The following ADGRF5 variants were observed in gnomAD, a reference collection of about 807,000 sequenced individuals.
The protein encoded by ADGRF5 is adhesion G protein-coupled receptor F5, also known as G-protein coupled receptor 116.
Under a neutral mutation model 132.3 loss-of-function variants are expected in ADGRF5, and 75 were observed. The observed-to-expected ratio is 0.57, with a 90% CI of 0.47 to 0.69. The LOEUF (loss-of-function observed/expected upper bound fraction) is 0.69, where lower values mean the gene tolerates loss of function less well. Ranked by LOEUF, ADGRF5 falls within the 30% of genes least tolerant of loss-of-function variation. The pLI is 0.00. For missense variants in ADGRF5, 1,516 were observed against 1,630.6 expected (o/e 0.93, Z 1.21); for synonymous variants, 629 against 597.6 (o/e 1.05, Z -0.77).
intron 1 of ADGRF5, among the ~76,000 whole-genome samples, chr6:46,942,077 C>A (rs1403412221): frequency 1.3e-5 from 2 of 152,200 alleles, no homozygotes; most frequent in African/African-American, 4.8e-5. Flanking sequence ...GTTCTCCAGT[C>A]TGCCAACTCT....
intron 8 of ADGRF5, among the ~76,000 whole-genome samples, chr6:46,880,828 T>A (rs1772373294): frequency 1.3e-5 from 2 of 152,142 alleles, no homozygotes; most frequent in Non-Finnish European, 2.9e-5. Context: ...TGGTGGCTCA[T>A]GCCTGTAATC....
chr6:46,867,072 G>A lies in ADGRF5; in HGVS notation c.1687C>T (p.His563Tyr), dbSNP rs1197110219. 6.2e-7 allele frequency: 1 copy of A among 1,613,590 alleles called. No individual in the cohort carries two copies. The highest frequency in any genetic ancestry group is 1.1e-5 in the South Asian group (1 of 91,040). Residue 563 changes from histidine (H) to tyrosine (Y), a missense_variant, in exon 13 of 21, where the codon CAC (histidine) becomes TAC (tyrosine). By Grantham distance (83) the His-to-Tyr change is moderately conservative (BLOSUM62 2). Transcript: ENST00000283296. ...YSIATKDVIV[H>Y]PLPLKLNIMV... is the part of the protein sequence containing the mutation. ...ATGTTCAGCTTTAGAGGCAGCGGGT[G>A]AACAATGACGTCTTTGGTTGCAATA... is the stretch of plus-strand genomic sequence containing the variant.
At chr6:46,855,531 A>T (rs1768941277) in intron 20 of ADGRF5, among the ~76,000 whole-genome samples, 2 of 152,246 alleles carry the variant, frequency 1.3e-5, no homozygotes, top group African/African-American at 2.4e-5. Context: ...AAAAAGAACA[A>T]AAAAGGAAAA....
At chr6:46,881,968 C>A (rs1331841772) in intron 7 of ADGRF5, 81 bp downstream of exon 7, 6 of 1,017,514 alleles carry the variant, frequency 5.9e-6, no homozygotes, top group Non-Finnish European at 9.4e-6. Flanking sequence ...ATGAATAATG[C>A]CTCTCTAGGG....
chr6:46,894,605 C>A (rs1211281600), intron 3 of ADGRF5, among the ~76,000 whole-genome samples: 1 of 152,210 alleles, frequency 6.6e-6, no homozygotes, highest in Non-Finnish European at 1.5e-5. Flanking sequence ...ATGTTGAAAA[C>A]TATAACTCAT....
At chr6:46,915,376 G>C (rs537418035) in intron 1 of ADGRF5, among the ~76,000 whole-genome samples, 3 of 152,148 alleles carry the variant, frequency 2.0e-5, no homozygotes, top group South Asian at 4.2e-4. Context: ...GTCTCCTGCT[G>C]GGCTAGACCT....
At chr6:46,895,780 T>TCCCCCA (rs1774121224) in intron 3 of ADGRF5, among the ~76,000 whole-genome samples, 2 of 151,740 alleles carry the variant, frequency 1.3e-5, no homozygotes, top group South Asian at 4.2e-4. Context: ...CAGTTGATAT[T>TCCCCCA]TGTGTTACTT....
At chr6:46,935,233 G>T (rs1006852007) in intron 1 of ADGRF5, among the ~76,000 whole-genome samples, 46 of 152,002 alleles carry the variant, frequency 3.0e-4, no homozygotes, top group African/African-American at 1.1e-3. Context: ...TCGATCTCCT[G>T]ACCTCGTGAT....
chr6:46,905,453 A>C (rs1775243967), intron 2 of ADGRF5: 1 of 152,216 alleles, frequency 6.6e-6, no homozygotes, highest in Non-Finnish European at 1.5e-5. Flanking sequence ...CCTGAAGGTA[A>C]GATCAAGCAT....
chr6:46,860,985 T>C, intron 15 of ADGRF5, 91 bp from the exon 16 acceptor site: 1 of 946,034 alleles, frequency 1.1e-6, no homozygotes, highest in Non-Finnish European at 1.6e-6. Context: ...ATCTCTCACA[T>C]CCGTTGTTTC....
intron 3 of ADGRF5, among the ~76,000 whole-genome samples, chr6:46,898,907 A>G (rs1190684133): frequency 2.6e-5 from 4 of 152,210 alleles, no homozygotes; most frequent in Non-Finnish European, 5.9e-5. Context: ...AGGTGCTGTA[A>G]TGTGAACGTG....
At chr6:46,867,289 A>C in intron 12 of ADGRF5, 152 bp from the exon 13 acceptor site, 2 of 594,686 alleles carry the variant, frequency 3.4e-6, no homozygotes, top group Non-Finnish European at 6.0e-6. Context: ...AAAATGCTTG[A>C]TTGATTCCTC....
At chr6:46,906,416 G>T (rs1775376183) in intron 2 of ADGRF5, among the ~76,000 whole-genome samples, 1 of 152,158 alleles carries the variant, frequency 6.6e-6, no homozygotes. Context: ...CTACATTGGT[G>T]TTCCCTTGAC....
At chr6:46,918,601 T>A (rs1302039473) in intron 1 of ADGRF5, among the ~76,000 whole-genome samples, 1 of 152,248 alleles carries the variant, frequency 6.6e-6, no homozygotes, top group Non-Finnish European at 1.5e-5. Flanking sequence ...ATCCTGTTTA[T>A]CTAGAACATT....
chr6:46,915,795 T>C (rs148174075), intron 1 of ADGRF5, among the ~76,000 whole-genome samples: 1 of 152,222 alleles, frequency 6.6e-6, no homozygotes, highest in East Asian at 1.9e-4. Flanking sequence ...AAGATTTCCT[T>C]ACTCTGGACA....
At chr6:46,862,107 CAAGAG>C (rs945108902) in intron 15 of ADGRF5, among the ~76,000 whole-genome samples, 1 of 151,794 alleles carries the variant, frequency 6.6e-6, no homozygotes, top group African/African-American at 2.4e-5. Flanking sequence ...TGGTGTGAGA[CAAGAG>C]AAGAGATAGA....
chr6:46,890,542 C>A (rs954276572), intron 3 of ADGRF5, among the ~76,000 whole-genome samples: 1 of 150,588 alleles, frequency 6.6e-6, no homozygotes, highest in Admixed American at 6.6e-5. Context: ...ACATGGGAAA[C>A]CCCGTCTCTA....
chr6:46,953,999 G>T (rs1280452025), intron 1 of ADGRF5, among the ~76,000 whole-genome samples: 1 of 151,728 alleles, frequency 6.6e-6, no homozygotes, highest in Non-Finnish European at 1.5e-5. Context: ...ACTTAAATAA[G>T]ACCTGGCTCC....
At chr6:46,941,849 T>C (rs557785562) in intron 1 of ADGRF5, among the ~76,000 whole-genome samples, 1 of 152,328 alleles carries the variant, frequency 6.6e-6, no homozygotes, top group Non-Finnish European at 1.5e-5. Flanking sequence ...TCAGGGCTTC[T>C]GCCTAAAGAG....
Sources: gnomAD v4.1 joint callset for allele counts (sites outside exome capture counted in the v4.1 genomes callset) on GRCh38, gnomAD v4.1.1 for gene constraint, MANE v1.5 for transcripts, NCBI Gene and HGNC (gene_info 2026-07-23, HGNC 2026-07-21) for gene names.